Variants in NSD3 observed in about 807,000 individuals in gnomAD.
The protein encoded by NSD3 is nuclear receptor binding SET domain protein 3, also known as histone-lysine N-methyltransferase NSD3.
In NSD3, 24 loss-of-function variants were observed where a neutral mutation model predicts 160.8. The observed-to-expected ratio is 0.15, with a 90% CI of 0.11 to 0.21. The LOEUF (loss-of-function observed/expected upper bound fraction) is 0.21. Among genes scored for constraint, NSD3 ranks in the 10% least tolerant of loss-of-function variants. The pLI, the probability that NSD3 is intolerant of heterozygous loss-of-function variation, is 1.00. For synonymous variants in NSD3, 520 were observed against 600.0 expected (o/e 0.87, Z 1.95); for missense variants, 1,157 against 1,735.9 (o/e 0.67, Z 5.93).
intron 12 of NSD3, among the ~76,000 whole-genome samples, chr8:38,305,816 A>T (rs1293000508): frequency 6.6e-6 from 1 of 152,184 alleles, no homozygotes; most frequent in African/African-American, 2.4e-5. Context: ...GATTATTTCT[A>T]TGTGCAAAAT....
At chr8:38,276,630 C>T (rs1808607446) in intron 22 of NSD3, 130 bp from the exon 23 acceptor site, 3 of 874,350 alleles carry the variant, frequency 3.4e-6, no homozygotes, top group Admixed American at 2.8e-5. Flanking sequence ...CATCAGGAGG[C>T]CTTATGCTGC....
Position 38,331,611 on chromosome 8 carries a change from A to G in NSD3, c.911-26T>C, listed in dbSNP as rs888221524. The G allele has an allele frequency of 2.5e-6, 4 of 1,608,758 alleles. No homozygotes were observed. The African/African-American group carries it at 4.0e-5, about 16-fold the overall frequency. On this transcript the variant is annotated intron_variant, in intron 4 of 23. Coordinates refer to ENST00000317025, the MANE Select transcript of NSD3 (RefSeq NM_023034.2). ...CTGTAAGTAAAAATTCTTATTAACC[A>G]TTTCAGAACATAAGCATTCACATCT... is the stretch of plus-strand genomic sequence containing the variant.
At chr8:38,322,202 C>T (rs1219061827) in intron 7 of NSD3, among the ~76,000 whole-genome samples, 2 of 152,158 alleles carry the variant, frequency 1.3e-5, no homozygotes, top group African/African-American at 4.8e-5. Flanking sequence ...AAATGACTTC[C>T]CTCACTTTAG....
At chr8:38,346,677 C>T (rs1563363466) in intron 2 of NSD3, among the ~76,000 whole-genome samples, 1 of 151,996 alleles carries the variant, frequency 6.6e-6, no homozygotes, top group Non-Finnish European at 1.5e-5. Flanking sequence ...TCCAGAAAAA[C>T]ATCACATGTG....
At chr8:38,287,070 G>C (rs532055764) in intron 19 of NSD3, among the ~76,000 whole-genome samples, 234 of 152,318 alleles carry the variant, frequency 1.5e-3, no homozygotes, top group Middle Eastern at 3.4e-3. Flanking sequence ...CAAGTGCCAA[G>C]AATAATACCT....
chr8:38,286,061 C>G (rs577189028), intron 19 of NSD3, among the ~76,000 whole-genome samples: 2 of 152,162 alleles, frequency 1.3e-5, no homozygotes, highest in Non-Finnish European at 2.9e-5. Flanking sequence ...ATTTTGTCGC[C>G]TCCTCCCCTT....
In NSD3 at chr8:38,294,852, G is replaced by GA. The variant is rs943751004; in HGVS notation, c.2915+943_2915+944insT. On this transcript the variant is annotated intron_variant, in intron 16 of 23. Coordinates refer to ENST00000317025, the MANE Select transcript of NSD3 (RefSeq NM_023034.2). The stretch of plus-strand genomic sequence containing the variant: ...TTTAAATTAAAAAAAAATTTTTAAA[G>GA]TTTTTTTTTGGCCGGGCGTGGTGGC... Among the ~76,000 whole-genome samples the GA allele has an allele frequency of 1.4e-4, 21 of 150,498 alleles. No individual in the cohort carries two copies. The East Asian group carries it at 3.9e-3, about 28-fold the overall frequency.
Position 38,321,088 on chromosome 8 carries a change from T to G in NSD3, c.1793A>C (p.Lys598Thr), listed in dbSNP as rs771274874. Residue 598 changes from lysine to threonine, a missense_variant, in exon 8 of 24, where the codon AAG becomes ACG. This residue lies in a region of NSD3 where 102 missense variants were observed against 126.5 expected (regional missense o/e 0.81). Transcript: ENST00000317025. This position sits in a 1 kb window ranked among gnomAD's most constrained non-coding sequence, Gnocchi z 4.7. ...EKSTEVVPKK[K>T]IKKEQVETVP... Reference sequence around the variant, plus strand: ...GAAGCCAACCTGCTCCTTTTTGATCTTCTTCTTTGGCACAACCTCAGTGGA... The same window carrying G: ...GAAGCCAACCTGCTCCTTTTTGATCGTCTTCTTTGGCACAACCTCAGTGGA... 2 of 1,613,488 alleles carry G rather than the reference T, an allele frequency of 1.2e-6. No homozygotes were observed. Among genetic ancestry groups the G allele is most frequent in the Non-Finnish European group, 8.5e-7 (1 of 1,179,884 alleles).
chr8:38,309,350 C>G (rs1436588515), intron 12 of NSD3, among the ~76,000 whole-genome samples: 2 of 152,078 alleles, frequency 1.3e-5, no homozygotes, highest in Admixed American at 1.3e-4. Context: ...TGCTTGTAAT[C>G]CCAGCTACAC....
chr8:38,323,338 G>A (rs921568711), intron 7 of NSD3, among the ~76,000 whole-genome samples: 2 of 152,070 alleles, frequency 1.3e-5, no homozygotes, highest in African/African-American at 4.8e-5. Context: ...TTACAGGTGT[G>A]AGCCACCATA....
At position 38,270,018 on chromosome 8, in the gene NSD3, CAT is replaced by C. The variant is rs1234343275; in HGVS notation, c.*5621_*5622del. On this transcript the variant is annotated 3_prime_UTR_variant, in exon 24 of 24. Coordinates refer to ENST00000317025, the MANE Select transcript of NSD3 (RefSeq NM_023034.2). Reference sequence around the variant, plus strand: ...ACACGTTTCACACTATGCAATAAAACATAGGCCAATCAACAAAATCCTCAAAA... The same window carrying C: ...ACACGTTTCACACTATGCAATAAAACAGGCCAATCAACAAAATCCTCAAAA... 2 of 152,208 alleles carry C rather than the reference CAT, an allele frequency of 1.3e-5. No individual in the cohort carries two copies. Among genetic ancestry groups the C allele is most frequent in the South Asian group, 2.1e-4 (1 of 4,828 alleles). 9.4% of individuals were successfully genotyped at this position (152,208 alleles called of 1,614,324 possible).
At position 38,273,702 on chromosome 8, in the gene NSD3, A is replaced by G. The variant is rs1161096791; in HGVS notation, c.*1939T>C. The G allele has an allele frequency of 1.3e-5, 2 of 152,248 alleles. No individual in the cohort carries two copies. The allele number at this position is 152,248 out of a possible 1,614,324, so 9.4% of individuals were successfully genotyped here. On this transcript the variant is annotated 3_prime_UTR_variant, in exon 24 of 24. Coordinates refer to ENST00000317025, the MANE Select transcript of NSD3 (RefSeq NM_023034.2). The stretch of plus-strand genomic sequence containing the variant: ...TCAAACTATATAATTGCTCAAGAGC[A>G]AAGTTTAGTGTTTTGGTGAGCTGTA...
chr8:38,321,249 CA>C lies in NSD3; in HGVS notation c.1709-78del. ...CATCTATGTAATTAAGATATGACCA[CA>C]TTCCTTGCTTTTCTTACCCATTACT... On this transcript the variant is annotated intron_variant, in intron 7 of 23. Coordinates refer to ENST00000317025, the MANE Select transcript of NSD3 (RefSeq NM_023034.2). This position sits in a 1 kb window ranked among gnomAD's most constrained non-coding sequence, Gnocchi z 4.7. 8.5e-7 allele frequency: 1 copy of C among 1,171,810 alleles called. No homozygotes were observed. The highest frequency in any genetic ancestry group is 1.2e-6 in the Non-Finnish European group (1 of 833,886). The allele number at this position is 1,171,810 out of a possible 1,614,324, so 72.6% of individuals were successfully genotyped here.
chr8:38,325,181 C>G (rs1205701383), intron 7 of NSD3, among the ~76,000 whole-genome samples: 1 of 152,174 alleles, frequency 6.6e-6, no homozygotes, highest in Non-Finnish European at 1.5e-5. Context: ...GGGGCAGTCT[C>G]ATAGGATTGA....
At chr8:38,325,783 G>A (rs1287040518) in intron 7 of NSD3, among the ~76,000 whole-genome samples, 1 of 151,962 alleles carries the variant, frequency 6.6e-6, no homozygotes, top group African/African-American at 2.4e-5. Flanking sequence ...CCTGAGCCTG[G>A]GAGGTCGAGG....
chr8:38,291,531 A>C (rs956408479), intron 16 of NSD3, among the ~76,000 whole-genome samples: 1 of 152,180 alleles, frequency 6.6e-6, no homozygotes, highest in Non-Finnish European at 1.5e-5. Context: ...ACATGATTGC[A>C]CTCCCAGATT....
At chr8:38,336,560 G>A (rs1286577494) in intron 4 of NSD3, among the ~76,000 whole-genome samples, 3 of 152,102 alleles carry the variant, frequency 2.0e-5, no homozygotes, top group African/African-American at 7.2e-5. Context: ...AAAAGTACTT[G>A]TCTGGGTAAA....
At chr8:38,298,530 C>CTGTGTG (rs143129228) in intron 15 of NSD3, among the ~76,000 whole-genome samples, 45 of 145,512 alleles carry the variant, frequency 3.1e-4, no homozygotes, top group African/African-American at 4.0e-4. Flanking sequence ...AATACACCTA[C>CTGTGTG]TGTGTGTGTG....
At position 38,317,790 on chromosome 8, in the gene NSD3, C is replaced by A; in HGVS notation, c.1855+1105G>T. The A allele has an allele frequency of 1.4e-6, 2 of 1,431,532 alleles. No individual in the cohort carries two copies. Among genetic ancestry groups the A allele is most frequent in the Non-Finnish European group, 1.8e-6 (2 of 1,096,860 alleles). The allele number at this position is 1,431,532 out of a possible 1,614,324, so 88.7% of individuals were successfully genotyped here. On this transcript the variant is annotated intron_variant, in intron 9 of 23. Coordinates refer to ENST00000317025, the MANE Select transcript of NSD3 (RefSeq NM_023034.2). The surrounding 1 kb of genome is among the most constrained non-coding windows in gnomAD (Gnocchi z 5.3). ...AAAAAAAATCATTTGACTGTTAAAG[C>A]AATTGTTCAGAGTCTTGAAGAAGAA...
Sources: gnomAD v4.1 joint callset for allele counts (sites outside exome capture counted in the v4.1 genomes callset) on GRCh38, gnomAD v4.1.1 for gene constraint, gnomAD v4.1.1 regional missense constraint, Gnocchi (gnomAD v3.1) non-coding constraint, MANE v1.5 for transcripts, NCBI Gene and HGNC (gene_info 2026-07-23, HGNC 2026-07-21) for gene names.